The following FAR2 variants were observed in gnomAD, a reference collection of about 807,000 sequenced individuals.
FAR2 encodes epididymis secretory protein Li 81.
Under a neutral mutation model 56.0 loss-of-function variants are expected in FAR2, and 19 were observed. The ratio of observed to expected loss-of-function variants is 0.34; its 90% CI spans 0.24 to 0.50. The LOEUF (loss-of-function observed/expected upper bound fraction) is 0.50, where lower values mean the gene tolerates loss of function less well. Ranked by LOEUF, FAR2 falls within the 20% of genes least tolerant of loss-of-function variation. FAR2 has a pLI of 0.98. For missense variants in FAR2, 508 were observed against 642.2 expected (o/e 0.79, Z 2.26); for synonymous variants, 219 against 218.8 (o/e 1.00, Z -0.01).
At chr12:29,319,681 T>C (rs1250179992) in intron 9 of FAR2, among the ~76,000 whole-genome samples, 3 of 152,220 alleles carry the variant, frequency 2.0e-5, no homozygotes, top group African/African-American at 4.8e-5. Flanking sequence ...AGGATTTAAA[T>C]CCTGGCTTCA....
chr12:29,283,747 C>T (rs1016374077), intron 2 of FAR2, among the ~76,000 whole-genome samples: 5 of 152,198 alleles, frequency 3.3e-5, no homozygotes, highest in Non-Finnish European at 5.9e-5. Context: ...ATGCTCACCA[C>T]AGACCAAGGG....
rs371187238 is a variant in FAR2 at position 29,311,885 on chromosome 12, C to T, written c.890C>T (p.Pro297Leu). 4.4e-6 allele frequency: 7 copies of T among 1,599,776 alleles called. No homozygotes were observed. In the African/African-American group the frequency reaches 9.4e-5, roughly 22 times the overall value. ...CTAATTTTTATTTCATTTTCCAGAC[C>T]TAAGTCAACATTAGTCTACCACATT... is the stretch of plus-strand genomic sequence containing the variant. The part of the protein sequence containing the change: ...AVGWYTAVHR[P>L]KSTLVYHITS... The change falls in exon 8 of 12, where the codon CCT (proline) becomes CTT (leucine). Residue 297 changes from proline to leucine, a missense_variant and splice_region_variant. Physicochemically the swap from Pro to Leu is moderately conservative, Grantham distance 98. Coordinates refer to ENST00000536681, the MANE Select transcript of FAR2 (RefSeq NM_001271783.2).
At chr12:29,273,009 C>G (rs1204557235) in intron 2 of FAR2, among the ~76,000 whole-genome samples, 2 of 152,138 alleles carry the variant, frequency 1.3e-5, no homozygotes, top group African/African-American at 2.4e-5. Context: ...AAAGATGGGT[C>G]CCTGCTCCTT....
chr12:29,312,565 A>G (rs2136792463), intron 8 of FAR2, among the ~76,000 whole-genome samples: 1 of 152,334 alleles, frequency 6.6e-6, no homozygotes, highest in Middle Eastern at 3.4e-3. Flanking sequence ...TATATGTTTA[A>G]TAAGCATCTA....
At chr12:29,330,482 G>T (rs1403187402) in intron 10 of FAR2, among the ~76,000 whole-genome samples, 1 of 152,156 alleles carries the variant, frequency 6.6e-6, no homozygotes, top group Non-Finnish European at 1.5e-5. Flanking sequence ...TGAATGCCTA[G>T]AATGTTAAAT....
At position 29,176,157 on chromosome 12, in the gene FAR2, C is replaced by G. The variant is rs950195369; in HGVS notation, c.-39+26750C>G. Among the ~76,000 whole-genome samples, 8 of 152,312 alleles carry G rather than the reference C, an allele frequency of 5.3e-5. No homozygotes were observed. The East Asian group carries it at 1.5e-3, about 29-fold the overall frequency. Reference sequence around the variant, plus strand: ...ATCATTATCATCATTTAATTTTATGCTCCCCAGATTCCTCATATGAAAGTT... The same window carrying G: ...ATCATTATCATCATTTAATTTTATGGTCCCCAGATTCCTCATATGAAAGTT... On this transcript the variant is annotated intron_variant, in intron 1 of 11. Coordinates refer to ENST00000536681, the MANE Select transcript of FAR2 (RefSeq NM_001271783.2).
intron 2 of FAR2, among the ~76,000 whole-genome samples, chr12:29,276,724 T>C (rs1360437252): frequency 2.0e-5 from 3 of 152,194 alleles, no homozygotes; most frequent in African/African-American, 7.2e-5. Flanking sequence ...ATATTATTGC[T>C]TGTATTCCCT....
At chr12:29,287,374 C>A (rs1274600295) in intron 2 of FAR2, among the ~76,000 whole-genome samples, 2 of 152,164 alleles carry the variant, frequency 1.3e-5, no homozygotes, top group African/African-American at 2.4e-5. Flanking sequence ...AGTGAACTAG[C>A]AACAATTTTA....
chr12:29,307,603 T>G (rs573237051), intron 4 of FAR2, 55 bp from the exon 5 acceptor site: 1 of 1,498,532 alleles, frequency 6.7e-7, no homozygotes, highest in African/African-American at 1.4e-5. Context: ...CACATTTTCC[T>G]TTTGGTTTAT....
chr12:29,150,285 A>G (rs1441341000), intron 1 of FAR2, among the ~76,000 whole-genome samples: 1 of 152,166 alleles, frequency 6.6e-6, no homozygotes, highest in African/African-American at 2.4e-5. Flanking sequence ...CATTTCTTCC[A>G]CGGTTGAGTT....
intron 2 of FAR2, chr12:29,292,464 T>C (rs1020299958): frequency 6.6e-6 from 1 of 152,222 alleles, no homozygotes; most frequent in Non-Finnish European, 1.5e-5. Flanking sequence ...ATGTTTGTTG[T>C]ACAATTAACA....
chr12:29,197,072 G>A (rs1950150005), intron 1 of FAR2, among the ~76,000 whole-genome samples: 1 of 152,218 alleles, frequency 6.6e-6, no homozygotes, highest in Admixed American at 6.5e-5. Flanking sequence ...CCTTGGTGGA[G>A]AGAAAATAGG....
In FAR2 at chr12:29,307,724, T is replaced by C; in HGVS notation, c.612T>C (p.Tyr204=). The C allele has an allele frequency of 1.2e-6, 2 of 1,613,942 alleles. No individual in the cohort carries two copies. The highest frequency in any genetic ancestry group is 1.7e-6 in the Non-Finnish European group (2 of 1,179,898). Residue 204 remains tyrosine, a synonymous_variant, in exon 5 of 12, where the codon TAT becomes TAC. Transcript: ENST00000536681. ...PKLIRDWPNI[Y]TYTKALGEMV... ...TGATCAGAGATTGGCCCAATATTTA[T>C]ACCTACACCAAGGCCTTGGGAGAAA...
chr12:29,313,692 A>G (rs1372596838), intron 8 of FAR2, among the ~76,000 whole-genome samples: 1 of 152,160 alleles, frequency 6.6e-6, no homozygotes, highest in Non-Finnish European at 1.5e-5. Flanking sequence ...ATGTATTCAC[A>G]TAAAATTTTT....
chr12:29,230,401 T>C (rs1166367941), intron 1 of FAR2, among the ~76,000 whole-genome samples: 1 of 151,808 alleles, frequency 6.6e-6, no homozygotes, highest in Non-Finnish European at 1.5e-5. Flanking sequence ...GACAGCACTG[T>C]GTCTGAGTAT....
chr12:29,265,703 AAAC>A (rs1186131891), intron 1 of FAR2, among the ~76,000 whole-genome samples: 2 of 152,196 alleles, frequency 1.3e-5, no homozygotes, highest in South Asian at 2.1e-4. Flanking sequence ...ACAGCAAAGG[AAAC>A]AAACAACAAA....
chr12:29,186,790 A>G (rs1041308103), intron 1 of FAR2, among the ~76,000 whole-genome samples: 1 of 145,940 alleles, frequency 6.9e-6, no homozygotes, highest in Non-Finnish European at 1.5e-5. Context: ...TTATTTATTT[A>G]TTTATTTATT....
chr12:29,169,609 G>A (rs867189446), intron 1 of FAR2, among the ~76,000 whole-genome samples: 1 of 152,124 alleles, frequency 6.6e-6, no homozygotes, highest in African/African-American at 2.4e-5. Flanking sequence ...TCCCTGACTG[G>A]TTAGTGTAAA....
intron 10 of FAR2, among the ~76,000 whole-genome samples, chr12:29,322,418 C>T (rs1482014548): frequency 6.6e-6 from 1 of 152,218 alleles, no homozygotes; most frequent in African/African-American, 2.4e-5. Flanking sequence ...ATGCACTCTG[C>T]CTCACCTCAG....
Sources: gnomAD v4.1 joint callset for allele counts (sites outside exome capture counted in the v4.1 genomes callset) on GRCh38, gnomAD v4.1.1 for gene constraint, MANE v1.5 for transcripts, NCBI Gene and HGNC (gene_info 2026-07-23, HGNC 2026-07-21) for gene names.